The following EP300 variants were observed in gnomAD, a reference collection of about 807,000 sequenced individuals.
The protein encoded by EP300 is histone acetyltransferase p300.
EP300 carries 31 observed loss-of-function variants against 264.0 expected under a neutral mutation model. That is an observed-to-expected ratio of 0.12 (90% CI 0.09 to 0.16). The LOEUF (loss-of-function observed/expected upper bound fraction) is 0.16, where lower values mean the gene tolerates loss of function less well. Among genes scored for constraint, EP300 ranks in the 10% least tolerant of loss-of-function variants. The probability of loss-of-function intolerance (pLI) is 1.00; values close to 1 mark genes in which losing one functional copy is unlikely to be tolerated. For missense variants in EP300, 2,766 were observed against 3,052.9 expected, an observed-to-expected ratio of 0.91 and a Z score of 2.21; for synonymous variants, 1,340 against 1,045.4, an observed-to-expected ratio of 1.28 and a Z score of -5.44.
At chr22:41,127,339 T>A in intron 3 of EP300, 148 bp from the exon 4 acceptor site, 1 of 948,246 alleles carries the variant, frequency 1.1e-6, no homozygotes, top group Non-Finnish European at 1.6e-6. Flanking sequence ...GTAGGAGCCA[T>A]GGTTTATGCA....
chr22:41,170,632 G>C (rs1318501116), intron 27 of EP300, 61 bp downstream of exon 27: 2 of 1,253,456 alleles, frequency 1.6e-6, no homozygotes, highest in African/African-American at 3.1e-5. Context: ...TAATGTTGCT[G>C]CTCTTTGTTC....
intron 1 of EP300, among the ~76,000 whole-genome samples, chr22:41,101,381 A>C (rs2058730884): frequency 6.7e-6 from 1 of 150,370 alleles, no homozygotes; most frequent in Non-Finnish European, 1.5e-5. Flanking sequence ...AATTAAGCAT[A>C]ATTTTTTCTA....
intron 1 of EP300, among the ~76,000 whole-genome samples, chr22:41,115,936 AAATG>A (rs2058818538): frequency 1.3e-5 from 2 of 152,226 alleles, no homozygotes; most frequent in Admixed American, 6.5e-5. Context: ...AGTGTTCCAC[AAATG>A]ACAGGTCTTT....
intron 1 of EP300, among the ~76,000 whole-genome samples, chr22:41,095,199 C>G (rs1569078707): frequency 7.1e-6 from 1 of 141,404 alleles, no homozygotes; most frequent in African/African-American, 2.6e-5. Context: ...TACTGTCCCT[C>G]TGTTAACTTA....
intron 16 of EP300, among the ~76,000 whole-genome samples, chr22:41,153,149 C>T (rs1393830250): frequency 6.6e-6 from 1 of 152,154 alleles, no homozygotes; most frequent in Non-Finnish European, 1.5e-5. Context: ...GACCCTACTG[C>T]CTGGGCCAGG....
At chr22:41,162,503 C>T (rs941352980) in intron 20 of EP300, among the ~76,000 whole-genome samples, 4 of 152,120 alleles carry the variant, frequency 2.6e-5, no homozygotes, top group South Asian at 2.1e-4. Flanking sequence ...CCTGGGTTCT[C>T]CATTTCTGAT....
chr22:41,113,165 C>CCG (rs956054735), intron 1 of EP300, among the ~76,000 whole-genome samples: 2 of 143,418 alleles, frequency 1.4e-5, no homozygotes, highest in Non-Finnish European at 3.1e-5. Context: ...CCACCCCCCC[C>CCG]CCAACTTATG....
Position 41,179,530 on chromosome 22 carries a change from GT to G in EP300, c.*577del. On this transcript the variant is annotated 3_prime_UTR_variant, in exon 31 of 31. Transcript: ENST00000263253. ...AAAGATGTTCATTCTTTTAAAAAATGTTTAAAAAAAAAAAAAAACTGCCTTT... is the reference window on the plus strand; with the variant it reads ...AAAGATGTTCATTCTTTTAAAAAATGTTAAAAAAAAAAAAAAACTGCCTTT... The G allele has an allele frequency of 1.3e-5, 2 of 151,122 alleles. No individual in the cohort carries two copies. Among genetic ancestry groups the G allele is most frequent in the East Asian group, 9.9e-5 (1 of 10,134 alleles). The allele number at this position is 151,122 out of a possible 1,614,324, so 9.4% of individuals were successfully genotyped here.
chr22:41,119,042 A>T (rs1181665651), intron 2 of EP300, among the ~76,000 whole-genome samples: 1 of 136,052 alleles, frequency 7.4e-6, no homozygotes, highest in African/African-American at 2.7e-5. Flanking sequence ...TTACTCTGTC[A>T]CCCAGGCTGG....
intron 7 of EP300, among the ~76,000 whole-genome samples, chr22:41,136,262 G>A (rs1006222401): frequency 1.3e-5 from 2 of 152,190 alleles, no homozygotes; most frequent in African/African-American, 2.4e-5. Flanking sequence ...CTGACCTCGC[G>A]ATCCGTCTGC....
chr22:41,149,721 G>C, intron 13 of EP300, 40 bp from the exon 14 acceptor site: 3 of 1,598,736 alleles, frequency 1.9e-6, no homozygotes, highest in Non-Finnish European at 2.6e-6. Context: ...CCTTAATTCT[G>C]TTCTGAATTG....
At chr22:41,132,439 C>T (rs1009058623) in intron 6 of EP300, among the ~76,000 whole-genome samples, 5 of 151,676 alleles carry the variant, frequency 3.3e-5, no homozygotes, top group Non-Finnish European at 5.9e-5. Flanking sequence ...AGGCGCGTGC[C>T]ACCATGCCCA....
At position 41,170,460 on chromosome 22, in the gene EP300, C is replaced by T. The variant is rs766096734; in HGVS notation, c.4341C>T (p.Ile1447=). ...ACPPSEGDDY[I]FHCHPPDQKI... is the part of the protein sequence containing the mutation. ...CACCAAGTGAGGGAGATGATTATAT[C>T]TTCCATTGCCATCCTCCTGACCAGA... The change falls in exon 27 of 31, where the codon ATC becomes ATT. Residue 1447 remains isoleucine, a synonymous_variant. Transcript: ENST00000263253. 10 of 1,613,956 alleles carry T rather than the reference C, an allele frequency of 6.2e-6. No homozygotes were observed. The highest frequency in any genetic ancestry group is 8.5e-6 in the Non-Finnish European group (10 of 1,179,908).
intron 10 of EP300, among the ~76,000 whole-genome samples, chr22:41,145,222 T>C (rs1439792093): frequency 1.3e-5 from 2 of 152,228 alleles, no homozygotes; most frequent in African/African-American, 2.4e-5. Context: ...CTCAAGGTCA[T>C]TTGTTGGATC....
intron 2 of EP300, 102 bp downstream of exon 2, chr22:41,117,923 C>G: frequency 1.3e-6 from 2 of 1,560,086 alleles, no homozygotes; most frequent in Non-Finnish European, 1.7e-6. Flanking sequence ...TCCACTATTA[C>G]ACGCCAGGAA....
rs2058919406 is a variant in EP300 at position 41,131,526 on chromosome 22, C to T, written c.1421C>T (p.Pro474Leu). 6.2e-7 allele frequency: 1 copy of T among 1,614,018 alleles called. No individual in the cohort carries two copies. Among genetic ancestry groups the T allele is most frequent in the Non-Finnish European group, 8.5e-7 (1 of 1,180,016 alleles). ...IERAYAALGL[P>L]YQVNQMPTQP... ...AGAGCCTATGCAGCTCTTGGACTACCCTATCAAGTAAATCAGATGCCGACA... is the reference window on the plus strand; with the variant it reads ...AGAGCCTATGCAGCTCTTGGACTACTCTATCAAGTAAATCAGATGCCGACA... The change falls in exon 6 of 31, where the codon CCC becomes CTC. Residue 474 changes from proline to leucine, a missense_variant. Transcript: ENST00000263253.
At chr22:41,156,119 C>G (rs1330951472) in intron 17 of EP300, among the ~76,000 whole-genome samples, 1 of 152,066 alleles carries the variant, frequency 6.6e-6, no homozygotes, top group Non-Finnish European at 1.5e-5. Context: ...TCAAGCAGTT[C>G]TCCTACCTCT....
chr22:41,127,259 CTG>C (rs1276599182), intron 3 of EP300, among the ~76,000 whole-genome samples: 1 of 152,040 alleles, frequency 6.6e-6, no homozygotes, highest in Non-Finnish European at 1.5e-5. Flanking sequence ...CTTTTGCTCT[CTG>C]TGTATTATAC....
chr22:41,101,824 C>G (rs2058733419), intron 1 of EP300, among the ~76,000 whole-genome samples: 1 of 152,040 alleles, frequency 6.6e-6, no homozygotes, highest in South Asian at 2.1e-4. Flanking sequence ...ATGTGAGCCA[C>G]TATGCCTGCC....
Sources: gnomAD v4.1 joint callset for allele counts (sites outside exome capture counted in the v4.1 genomes callset) on GRCh38, gnomAD v4.1.1 for gene constraint, MANE v1.5 for transcripts, NCBI Gene and HGNC (gene_info 2026-07-23, HGNC 2026-07-21) for gene names.